The following PRKCA variants were observed in gnomAD, a reference collection of about 807,000 sequenced individuals.
PRKCA encodes protein kinase C alpha type.
In PRKCA, 27 loss-of-function variants were observed where a neutral mutation model predicts 87.0. That is an observed-to-expected ratio of 0.31 (90% CI 0.23 to 0.43). PRKCA has a LOEUF of 0.43. Ranked by LOEUF, PRKCA falls within the 20% of genes least tolerant of loss-of-function variation. PRKCA has a pLI of 1.00. For synonymous variants in PRKCA, 329 were observed against 311.1 expected, an observed-to-expected ratio of 1.06 and a Z score of -0.61; for missense variants, 518 against 852.3, an observed-to-expected ratio of 0.61 and a Z score of 4.88.
intron 2 of PRKCA, among the ~76,000 whole-genome samples, chr17:66,446,263 A>T (rs1018054125): frequency 6.6e-6 from 1 of 152,114 alleles, no homozygotes; most frequent in African/African-American, 2.4e-5. Flanking sequence ...ACACACTCAC[A>T]CATTCACACT....
intron 3 of PRKCA, among the ~76,000 whole-genome samples, chr17:66,558,082 G>A (rs1968558266): frequency 6.6e-6 from 1 of 152,216 alleles, no homozygotes; most frequent in South Asian, 2.1e-4. Flanking sequence ...TAGCCAATAC[G>A]GGAATAGCTG....
At chr17:66,435,780 T>C (rs1038134766) in intron 2 of PRKCA, among the ~76,000 whole-genome samples, 2 of 152,164 alleles carry the variant, frequency 1.3e-5, no homozygotes, top group African/African-American at 4.8e-5. Flanking sequence ...TTAAGCTGTG[T>C]CTTAAAGCCA....
In PRKCA at chr17:66,463,940, G is replaced by T. The variant is rs1045212927; in HGVS notation, c.206-32261G>T. ...ATTCTTGGTGTATCTTCTGTGAGTT[G>T]TGACAAATGTATCATCATATACAGC... On this transcript the variant is annotated intron_variant, in intron 2 of 16. Coordinates refer to ENST00000413366, the MANE Select transcript of PRKCA (RefSeq NM_002737.3). 1.2e-4 allele frequency among the ~76,000 whole-genome samples: 19 copies of T among 152,162 alleles called. 2 individuals carry two copies. Among genetic ancestry groups the T allele is most frequent in the Admixed American group, 1.2e-3 (18 of 15,276 alleles).
rs114622504 is a variant in PRKCA, at chr17:66,431,314, C to T, written c.206-64887C>T. ...TTATTAGGGCTATTTAATAGCGATG[C>T]AAATGAGTTCAGTGCAGCTGTGCCG... On this transcript the variant is annotated intron_variant, in intron 2 of 16. Coordinates refer to ENST00000413366, the MANE Select transcript of PRKCA (RefSeq NM_002737.3). 2.2e-3 allele frequency among the ~76,000 whole-genome samples: 339 copies of T among 152,268 alleles called. 1 individual carries two copies. The highest frequency in any genetic ancestry group is 7.7e-3 in the African/African-American group (320 of 41,550).
chr17:66,786,789 T>C lies in PRKCA; in HGVS notation c.1606-78T>C, dbSNP rs1975406652. The C allele has an allele frequency of 2.6e-6, 3 of 1,160,370 alleles. No individual in the cohort carries two copies. In the Admixed American group the frequency reaches 5.8e-5, roughly 23 times the overall value. 71.9% of individuals were successfully genotyped at this position (1,160,370 alleles called of 1,614,324 possible). ...AGAAACCTGGTCTGTTCCTTGGTGC[T>C]GAATTGGCTCTTCAGGCACCATGTG... On this transcript the variant is annotated intron_variant, in intron 14 of 16. Coordinates refer to ENST00000413366, the MANE Select transcript of PRKCA (RefSeq NM_002737.3).
At chr17:66,764,486 T>G (rs1974754217) in intron 13 of PRKCA, among the ~76,000 whole-genome samples, 1 of 152,216 alleles carries the variant, frequency 6.6e-6, no homozygotes, top group South Asian at 2.1e-4. Flanking sequence ...GCCCTGGTCC[T>G]GTGCCCGGGC....
intron 8 of PRKCA, among the ~76,000 whole-genome samples, chr17:66,717,113 TAC>T (rs1198165896): frequency 6.6e-6 from 1 of 152,190 alleles, no homozygotes; most frequent in Non-Finnish European, 1.5e-5. Flanking sequence ...ATTAAGAAGA[TAC>T]AGACATTGTA....
chr17:66,588,561 A>G (rs181705041), intron 3 of PRKCA, among the ~76,000 whole-genome samples: 140 of 148,086 alleles, frequency 9.5e-4, no homozygotes, highest in African/African-American at 3.4e-3. Context: ...CTAATGAATC[A>G]TTACAGTTCC....
chr17:66,765,496 TTATA>T (rs57374804), intron 13 of PRKCA, among the ~76,000 whole-genome samples: 2 of 136,132 alleles, frequency 1.5e-5, no homozygotes, highest in East Asian at 2.1e-4. Flanking sequence ...ATATTTGTCT[TTATA>T]TATATATGTC....
At chr17:66,606,300 A>G (rs747418256) in intron 3 of PRKCA, among the ~76,000 whole-genome samples, 10 of 152,210 alleles carry the variant, frequency 6.6e-5, no homozygotes, top group Non-Finnish European at 1.3e-4. Context: ...AGGCAGGAGA[A>G]TCGCTTGAAC....
chr17:66,709,932 A>G (rs1463584848), intron 8 of PRKCA, among the ~76,000 whole-genome samples: 2 of 152,156 alleles, frequency 1.3e-5, no homozygotes, highest in Admixed American at 6.5e-5. Flanking sequence ...GAAAAATGGC[A>G]ATCTGTATAT....
chr17:66,328,145 G>A (rs62072562), intron 2 of PRKCA, among the ~76,000 whole-genome samples: 11,308 of 152,146 alleles, frequency 0.074, 605 homozygotes, highest in South Asian at 0.25. Context: ...CCTGGGCTCG[G>A]TCCTCCTGCC....
chr17:66,482,613 A>G (rs1915835824), intron 2 of PRKCA, among the ~76,000 whole-genome samples: 1 of 152,130 alleles, frequency 6.6e-6, no homozygotes, highest in African/African-American at 2.4e-5. Flanking sequence ...TTCTTATCTC[A>G]CCACTAAAGA....
At chr17:66,483,582 C>T (rs1915873021) in intron 2 of PRKCA, among the ~76,000 whole-genome samples, 1 of 152,016 alleles carries the variant, frequency 6.6e-6, no homozygotes, top group South Asian at 2.1e-4. Flanking sequence ...CCTGCCTCAG[C>T]CTCCCAAATA....
intron 2 of PRKCA, among the ~76,000 whole-genome samples, chr17:66,446,759 T>G (rs927657815): frequency 2.6e-5 from 4 of 152,146 alleles, no homozygotes; most frequent in Admixed American, 1.3e-4. Flanking sequence ...AGAACTGAGG[T>G]GTACCCCTGG....
chr17:66,651,729 AG>A (rs1490870434), intron 5 of PRKCA, among the ~76,000 whole-genome samples: 23 of 152,128 alleles, frequency 1.5e-4, no homozygotes, highest in Non-Finnish European at 2.9e-5. Flanking sequence ...ATGGAGAGGG[AG>A]AGGGTGCTGG....
intron 8 of PRKCA, among the ~76,000 whole-genome samples, chr17:66,712,570 C>T (rs557772960): frequency 3.3e-4 from 50 of 152,252 alleles, no homozygotes; most frequent in Non-Finnish European, 6.3e-4. Context: ...TCTTGCCTGG[C>T]TCCTCCTAGC....
At chr17:66,682,607 GTGTTTAGAGACTACC>G (rs1187168474) in intron 5 of PRKCA, among the ~76,000 whole-genome samples, 1 of 152,252 alleles carries the variant, frequency 6.6e-6, no homozygotes, top group African/African-American at 2.4e-5. Flanking sequence ...CTATACTGTT[GTGTTTAGAGACTACC>G]TGTCTTTTGA....
At chr17:66,657,682 C>A (rs11656850) in intron 5 of PRKCA, among the ~76,000 whole-genome samples, 1,637 of 152,186 alleles carry the variant, frequency 0.011, 13 homozygotes, top group Non-Finnish European at 0.016. Context: ...CCCAAAAGAG[C>A]AAGTGTATGT....
Sources: allele counts gnomAD v4.1 joint callset (sites outside exome capture counted in the v4.1 genomes callset), GRCh38; gene constraint gnomAD v4.1.1; transcripts MANE v1.5; gene names NCBI Gene and HGNC (gene_info 2026-07-23, HGNC 2026-07-21).